Variants in MADCAM1 observed in about 807,000 individuals in gnomAD.
MADCAM1 encodes mucosal vascular addressin cell adhesion molecule 1, also known as mucosal addressin cell adhesion molecule 1.
Under a neutral mutation model 26.1 loss-of-function variants are expected in MADCAM1, and 19 were observed. The observed-to-expected ratio is 0.73, with a 90% confidence interval of 0.51 to 1.07. MADCAM1 has a LOEUF of 1.07. Among genes scored for constraint, MADCAM1 ranks in the 50% least tolerant of loss-of-function variants. The pLI, the probability that MADCAM1 is intolerant of heterozygous loss-of-function variation, is 0.00. For missense variants in MADCAM1, 514 were observed against 542.1 expected (o/e 0.95, Z 0.51); for synonymous variants, 268 against 260.9 (o/e 1.03, Z -0.26).
chr19:501,272 G>C (rs757150482), intron 3 of MADCAM1, among the ~76,000 whole-genome samples: 1 of 151,442 alleles, frequency 6.6e-6, no homozygotes, highest in South Asian at 2.1e-4. Flanking sequence ...GATCACCTGA[G>C]GTTGGGAGTT....
chr19:497,811 G>A (rs1017585215), intron 1 of MADCAM1, 22 bp from the exon 2 acceptor site: 2 of 1,269,248 alleles, frequency 1.6e-6, no homozygotes, highest in Non-Finnish European at 2.0e-6. Context: ...GCGGGGCTGA[G>A]CGAGAGCCGC....
At chr19:498,259 TC>T (rs1978295858) in intron 2 of MADCAM1, 142 bp downstream of exon 2, 1 of 949,426 alleles carries the variant, frequency 1.1e-6, no homozygotes, top group Non-Finnish European at 1.4e-6. Flanking sequence ...TCCCCGGCCT[TC>T]GCTTCCCTCC....
chr19:505,041 C>T lies in MADCAM1; in HGVS notation c.*76C>T, dbSNP rs1364864202. 4 of 1,061,572 alleles carry T rather than the reference C, an allele frequency of 3.8e-6. No individual in the cohort carries two copies. The highest frequency in any genetic ancestry group is 2.7e-5 in the East Asian group (1 of 37,608). The allele number at this position is 1,061,572 out of a possible 1,614,324, so 65.8% of individuals were successfully genotyped here. On this transcript the variant is annotated 3_prime_UTR_variant, in exon 5 of 5. Transcript: ENST00000215637. ...TTGAGAACTGGTCAGGGCAAACCTG[C>T]CTCCCATTCTACTCAAAGTCATCCC...
At chr19:500,134 T>C (rs1289946533) in intron 3 of MADCAM1, 1 of 456,084 alleles carries the variant, frequency 2.2e-6, no homozygotes. Flanking sequence ...CCAAGCACCT[T>C]CTCTCTCCAC....
Position 505,026 on chromosome 19 carries a change from G to A in MADCAM1, c.*61G>A. On this transcript the variant is annotated 3_prime_UTR_variant, in exon 5 of 5. Transcript: ENST00000215637. Reference sequence around the variant, plus strand: ...TTGGACCCCTTCAAGTTGAGAACTGGTCAGGGCAAACCTGCCTCCCATTCT... The same window carrying A: ...TTGGACCCCTTCAAGTTGAGAACTGATCAGGGCAAACCTGCCTCCCATTCT... 7.7e-7 allele frequency: 1 copy of A among 1,303,518 alleles called. No homozygotes were observed. Among genetic ancestry groups the A allele is most frequent in the Non-Finnish European group, 1.0e-6 (1 of 953,744 alleles). 80.7% of individuals were successfully genotyped at this position (1,303,518 alleles called of 1,614,324 possible).
intron 3 of MADCAM1, chr19:500,224 G>A (rs1221257998): frequency 4.4e-6 from 2 of 456,038 alleles, no homozygotes; most frequent in Non-Finnish European, 8.8e-6. Flanking sequence ...GCAGCCCAAA[G>A]AGGTGACTCT....
Position 496,571 on chromosome 19 carries a change from C to A in MADCAM1, c.52+20C>A. On this transcript the variant is annotated intron_variant, in intron 1 of 4. Coordinates refer to ENST00000215637, the MANE Select transcript of MADCAM1 (RefSeq NM_130760.3). ...TCCTCGGTGAGAAGGGGAGGGGGCG[C>A]GGGAGAGAGGAGTGAGTTAGGAGGG... 1 of 1,209,668 alleles carries A rather than the reference C, an allele frequency of 8.3e-7. No individual in the cohort carries two copies. The highest frequency in any genetic ancestry group is 3.7e-5 in the South Asian group (1 of 26,970). 74.9% of individuals were successfully genotyped at this position (1,209,668 alleles called of 1,614,324 possible). A position where few individuals can be genotyped will look rare whatever the true frequency, so the allele number is the denominator to read the frequency against.
Position 498,098 on chromosome 19 carries a change from C to G in MADCAM1, c.318C>G (p.Thr106=). 7.2e-7 allele frequency: 1 copy of G among 1,389,110 alleles called. No homozygotes were observed. The highest frequency in any genetic ancestry group is 9.3e-7 in the Non-Finnish European group (1 of 1,072,648). The allele number at this position is 1,389,110 out of a possible 1,614,324, so 86.0% of individuals were successfully genotyped here. ...GSCGGRTFQH[T]VQLLVYAFPD... ...GCGGGGGCCGCACCTTCCAGCACAC[C>G]GTGCAGCTCCTTGTGTACGGTGAGG... The change falls in exon 2 of 5, where the codon ACC becomes ACG. Residue 106 remains threonine (T), a synonymous_variant. Transcript: ENST00000215637.
chr19:505,270 T>A lies in MADCAM1; in HGVS notation c.*305T>A. The A allele has an allele frequency of 3.1e-6, 1 of 323,760 alleles. No homozygotes were observed. Among genetic ancestry groups the A allele is most frequent in the Non-Finnish European group, 5.7e-6 (1 of 176,512 alleles). 20.1% of individuals were successfully genotyped at this position (323,760 alleles called of 1,614,324 possible). A position where few individuals can be genotyped will look rare whatever the true frequency, so the allele number is the denominator to read the frequency against. ...TCCCTAAAAATGCGTAAGACCAAGC[T>A]GTGCCCTGACCACCCTGGGCCCCTG... On this transcript the variant is annotated 3_prime_UTR_variant, in exon 5 of 5. Coordinates refer to ENST00000215637, the MANE Select transcript of MADCAM1 (RefSeq NM_130760.3).
Position 505,197 on chromosome 19 carries a change from T to G in MADCAM1, c.*232T>G, listed in dbSNP as rs907277139. ...CCTCCCTGAGTGGTCCCCACCTTTCTGGACGGAACCACGTACTTTTTACAT... is the reference window on the plus strand; with the variant it reads ...CCTCCCTGAGTGGTCCCCACCTTTCGGGACGGAACCACGTACTTTTTACAT... On this transcript the variant is annotated 3_prime_UTR_variant, in exon 5 of 5. Transcript: ENST00000215637. 6 of 455,512 alleles carry G rather than the reference T, an allele frequency of 1.3e-5. No individual in the cohort carries two copies. Among genetic ancestry groups the G allele is most frequent in the African/African-American group, 7.9e-5 (4 of 50,464 alleles). 28.2% of individuals were successfully genotyped at this position (455,512 alleles called of 1,614,324 possible). A position where few individuals can be genotyped will look rare whatever the true frequency, so the allele number is the denominator to read the frequency against.
intron 2 of MADCAM1, 116 bp from the exon 3 acceptor site, chr19:498,380 A>C (rs1978296374): frequency 8.7e-7 from 1 of 1,151,602 alleles, no homozygotes; most frequent in East Asian, 3.2e-5. Flanking sequence ...CTGCCTGTTC[A>C]TCAGCAGCCC....
In MADCAM1 at chr19:497,981, G is replaced by A; in HGVS notation, c.201G>A (p.Leu67=). 1 of 1,498,448 alleles carries A rather than the reference G, an allele frequency of 6.7e-7. No homozygotes were observed. The highest frequency in any genetic ancestry group is 8.8e-7 in the Non-Finnish European group (1 of 1,130,100). The allele number at this position is 1,498,448 out of a possible 1,614,324, so 92.8% of individuals were successfully genotyped here. A position where few individuals can be genotyped will look rare whatever the true frequency, so the allele number is the denominator to read the frequency against. Residue 67 remains leucine, a synonymous_variant, in exon 2 of 5, where the codon CTG becomes CTA. Transcript: ENST00000215637. ...AGTGGCGGGGCCTGGACACCAGCCT[G>A]GGCGCGGTGCAGTCGGACACGGGCC... ...SVQWRGLDTS[L]GAVQSDTGRS... is the part of the protein sequence containing the mutation.
chr19:505,101 C>G lies in MADCAM1; in HGVS notation c.*136C>G. ...AGAGATGGATGCATGTTCTGATTGC[C>G]TCTTTGGAGAAGCTCATCAGAAACT... On this transcript the variant is annotated 3_prime_UTR_variant, in exon 5 of 5. Transcript: ENST00000215637. The G allele has an allele frequency of 1.6e-6, 1 of 618,964 alleles. No individual in the cohort carries two copies. Among genetic ancestry groups the G allele is most frequent in the Non-Finnish European group, 2.6e-6 (1 of 377,634 alleles). 38.3% of individuals were successfully genotyped at this position (618,964 alleles called of 1,614,324 possible).
chr19:505,050 C>G lies in MADCAM1; in HGVS notation c.*85C>G, dbSNP rs1978550073. On this transcript the variant is annotated 3_prime_UTR_variant, in exon 5 of 5. Transcript: ENST00000215637. ...GGTCAGGGCAAACCTGCCTCCCATT[C>G]TACTCAAAGTCATCCCTCTGTTCAC... The G allele has an allele frequency of 1.0e-6, 1 of 969,822 alleles. No homozygotes were observed. Among genetic ancestry groups the G allele is most frequent in the East Asian group, 2.7e-5 (1 of 37,252 alleles). The allele number at this position is 969,822 out of a possible 1,614,324, so 60.1% of individuals were successfully genotyped here.
At position 501,791 on chromosome 19, in the gene MADCAM1, C is replaced by G. The variant is rs201080795; in HGVS notation, c.790C>G (p.Pro264Ala). 6.4e-7 allele frequency: 1 copy of G among 1,566,550 alleles called. No individual in the cohort carries two copies. The highest frequency in any genetic ancestry group is 8.6e-7 in the Non-Finnish European group (1 of 1,156,290). The change falls in exon 4 of 5, where the codon CCT becomes GCT. Residue 264 changes from proline to alanine, a missense_variant. Coordinates refer to ENST00000215637, the MANE Select transcript of MADCAM1 (RefSeq NM_130760.3). The part of the protein sequence containing the change: ...QEPPDTTSPE[P>A]PDKTSPEPAP... ...GCCTCCCGACACCACCTCCCCGGAG[C>G]CTCCCGACAAGACCTCCCCGGAGCC...
intron 3 of MADCAM1, among the ~76,000 whole-genome samples, chr19:501,139 T>C (rs572687915): frequency 1.3e-5 from 2 of 151,008 alleles, no homozygotes; most frequent in Admixed American, 1.3e-4. Flanking sequence ...CAGTGATCCA[T>C]GATCACAACA....
intron 3 of MADCAM1, among the ~76,000 whole-genome samples, chr19:500,776 G>A (rs373799340): frequency 9.9e-5 from 15 of 152,040 alleles, no homozygotes; most frequent in African/African-American, 2.2e-4. Flanking sequence ...AGGCTGAGGC[G>A]GGAGAATCGC....
chr19:504,681 T>C, intron 4 of MADCAM1, 64 bp from the exon 5 acceptor site: 1 of 1,209,732 alleles, frequency 8.3e-7, no homozygotes. Context: ...GAGGGGCTCC[T>C]CCCTTCCCAA....
In MADCAM1 at chr19:501,816, C is replaced by T. The variant is rs187800291; in HGVS notation, c.815C>T (p.Pro272Leu). 3.8e-4 allele frequency: 597 copies of T among 1,560,124 alleles called. 2 individuals carry two copies. The highest frequency in any genetic ancestry group is 2.7e-3 in the Middle Eastern group (16 of 5,952). The change falls in exon 4 of 5, where the codon CCC becomes CTC. Residue 272 changes from proline to leucine, a missense_variant. Pro to Leu is a moderately conservative substitution (Grantham distance 98). Coordinates refer to ENST00000215637, the MANE Select transcript of MADCAM1 (RefSeq NM_130760.3). ...PEPPDKTSPE[P>L]APQQGSTHTP... ...CCTCCCGACAAGACCTCCCCGGAGC[C>T]CGCCCCCCAGCAGGGCTCCACACAC... is the stretch of plus-strand genomic sequence containing the variant.
Sources: gnomAD v4.1 joint callset for allele counts (sites outside exome capture counted in the v4.1 genomes callset) on GRCh38, gnomAD v4.1.1 for gene constraint, MANE v1.5 for transcripts, NCBI Gene and HGNC (gene_info 2026-07-23, HGNC 2026-07-21) for gene names.